Variants in PBX3 observed in about 807,000 individuals in gnomAD.
PBX3 encodes PBX homeobox 3, also known as pre-B-cell leukemia transcription factor 3.
A neutral mutation model predicts 48.5 loss-of-function variants in PBX3; 14 were observed. The ratio of observed to expected loss-of-function variants is 0.29; its 90% CI spans 0.19 to 0.45. The LOEUF (loss-of-function observed/expected upper bound fraction) is 0.45, where lower values mean the gene tolerates loss of function less well. Among genes scored for constraint, PBX3 ranks in the 20% least tolerant of loss-of-function variants. The pLI, the probability that PBX3 is intolerant of heterozygous loss-of-function variation, is 1.00. For synonymous variants in PBX3, 210 were observed against 200.3 expected (o/e 1.05, Z -0.41); for missense variants, 386 against 546.7 (o/e 0.71, Z 2.93).
intron 2 of PBX3, among the ~76,000 whole-genome samples, chr9:125,867,448 TG>T (rs543603377): frequency 7.1e-4 from 108 of 152,054 alleles, no homozygotes; most frequent in African/African-American, 2.5e-3. Flanking sequence ...GAGACCAGCC[TG>T]GCCAACATAG....
intron 5 of PBX3, among the ~76,000 whole-genome samples, chr9:125,939,012 C>T (rs1006123927): frequency 1.3e-5 from 2 of 150,284 alleles, no homozygotes; most frequent in East Asian, 2.0e-4. Flanking sequence ...AACACACATA[C>T]ACACACACAC....
chr9:125,799,773 G>A (rs1837886349), intron 2 of PBX3, among the ~76,000 whole-genome samples: 1 of 152,134 alleles, frequency 6.6e-6, no homozygotes, highest in Admixed American at 6.5e-5. Flanking sequence ...TCATGAGCTA[G>A]AATTTAGTGG....
chr9:125,936,874 A>T (rs1841847546), intron 5 of PBX3, among the ~76,000 whole-genome samples: 1 of 152,208 alleles, frequency 6.6e-6, no homozygotes, highest in Non-Finnish European at 1.5e-5. Flanking sequence ...TTCCATATGA[A>T]ATATGGAGGA....
intron 2 of PBX3, among the ~76,000 whole-genome samples, chr9:125,752,455 A>C (rs1836401175): frequency 6.6e-6 from 1 of 152,184 alleles, no homozygotes; most frequent in African/African-American, 2.4e-5. Flanking sequence ...AACTAGATCA[A>C]GAGTATAGTT....
chr9:125,882,080 A>T (rs991200225), intron 2 of PBX3, among the ~76,000 whole-genome samples: 1 of 151,868 alleles, frequency 6.6e-6, no homozygotes, highest in African/African-American at 2.4e-5. Context: ...AAAATAAAAA[A>T]ATAGCCAGGT....
chr9:125,935,735 G>T, intron 5 of PBX3, 128 bp downstream of exon 5: 1 of 972,418 alleles, frequency 1.0e-6, no homozygotes, highest in Non-Finnish European at 1.5e-6. Flanking sequence ...GGAAAATGTA[G>T]ATATTTCCAC....
intron 2 of PBX3, among the ~76,000 whole-genome samples, chr9:125,871,221 A>G (rs1225062076): frequency 6.6e-6 from 1 of 152,094 alleles, no homozygotes; most frequent in Non-Finnish European, 1.5e-5. Context: ...ACATAGTGAA[A>G]CCCCATCTCT....
intron 2 of PBX3, among the ~76,000 whole-genome samples, chr9:125,900,665 A>C (rs1194049687): frequency 6.6e-6 from 1 of 151,724 alleles, no homozygotes; most frequent in Non-Finnish European, 1.5e-5. Context: ...GCGAAAGCAA[A>C]TGAGTTTTGT....
At chr9:125,817,492 C>T (rs1838500231) in intron 2 of PBX3, among the ~76,000 whole-genome samples, 1 of 151,956 alleles carries the variant, frequency 6.6e-6, no homozygotes, top group Admixed American at 6.5e-5. Flanking sequence ...CTGAAAGAAA[C>T]ACACACACAC....
chr9:125,825,546 C>T (rs1463232184), intron 2 of PBX3, among the ~76,000 whole-genome samples: 2 of 150,498 alleles, frequency 1.3e-5, no homozygotes, highest in South Asian at 2.1e-4. Context: ...TCTCATATTT[C>T]CTTCTGCATT....
chr9:125,947,499 T>C (rs1362061792), intron 5 of PBX3, among the ~76,000 whole-genome samples: 1 of 152,030 alleles, frequency 6.6e-6, no homozygotes, highest in East Asian at 1.9e-4. Context: ...GGGTAGTTAC[T>C]TAAAGAAAAG....
At chr9:125,924,305 G>A (rs1252446195) in intron 3 of PBX3, among the ~76,000 whole-genome samples, 1 of 152,204 alleles carries the variant, frequency 6.6e-6, no homozygotes, top group African/African-American at 2.4e-5. Context: ...GGGCTTGACA[G>A]AAGTCAGCTT....
chr9:125,811,590 A>C (rs138070190), intron 2 of PBX3, among the ~76,000 whole-genome samples: 1,837 of 152,294 alleles, frequency 0.012, 16 homozygotes, highest in Middle Eastern at 0.044. Flanking sequence ...CTCCCCAGCC[A>C]TGTGGAACTG....
intron 2 of PBX3, among the ~76,000 whole-genome samples, chr9:125,824,091 A>G (rs1838738545): frequency 6.6e-6 from 1 of 151,584 alleles, no homozygotes; most frequent in South Asian, 2.1e-4. Flanking sequence ...AAAAAAAAAA[A>G]TGTAGGCTAA....
chr9:125,813,678 A>G (rs1460089769), intron 2 of PBX3, among the ~76,000 whole-genome samples: 2 of 152,138 alleles, frequency 1.3e-5, no homozygotes, highest in Non-Finnish European at 2.9e-5. Context: ...TGGTATGATA[A>G]GATGTTCCCA....
chr9:125,931,799 G>A (rs1841722631), intron 4 of PBX3, among the ~76,000 whole-genome samples: 2 of 152,096 alleles, frequency 1.3e-5, no homozygotes, highest in Non-Finnish European at 2.9e-5. Flanking sequence ...GTGATAAGTG[G>A]TATGCAGAAA....
At chr9:125,865,990 C>G (rs1189839192) in intron 2 of PBX3, among the ~76,000 whole-genome samples, 1 of 140,544 alleles carries the variant, frequency 7.1e-6, no homozygotes, top group Non-Finnish European at 1.6e-5. Context: ...AAGAAAATAG[C>G]TTTTTTTTTT....
chr9:125,776,142 G>A (rs546341825), intron 2 of PBX3, among the ~76,000 whole-genome samples: 10 of 152,232 alleles, frequency 6.6e-5, no homozygotes, highest in African/African-American at 2.4e-4. Context: ...AGTGGCTGTG[G>A]TAGAAACAGG....
At chr9:125,891,689 T>C (rs948067261) in intron 2 of PBX3, among the ~76,000 whole-genome samples, 3 of 152,220 alleles carry the variant, frequency 2.0e-5, no homozygotes, top group South Asian at 4.1e-4. Context: ...TAAAAACATA[T>C]ACCAAATTTA....
Sources: gnomAD v4.1 joint callset for allele counts (sites outside exome capture counted in the v4.1 genomes callset) on GRCh38, gnomAD v4.1.1 for gene constraint, MANE v1.5 for transcripts, NCBI Gene and HGNC (gene_info 2026-07-23, HGNC 2026-07-21) for gene names.